The following PDILT variants were observed in gnomAD, a reference collection of about 807,000 sequenced individuals.
PDILT encodes protein disulfide-isomerase-like protein of the testis.
A neutral mutation model predicts 53.7 loss-of-function variants in PDILT; 43 were observed. That is an observed-to-expected ratio of 0.80 (90% CI 0.63 to 1.03). PDILT has a LOEUF of 1.03. PDILT is among the 50% of genes least tolerant of loss of function. PDILT has a pLI of 0.00. For synonymous variants in PDILT, 282 were observed against 274.2 expected, an observed-to-expected ratio of 1.03 and a Z score of -0.28; for missense variants, 727 against 712.3, an observed-to-expected ratio of 1.02 and a Z score of -0.24.
chr16:20,367,134 G>A (rs562393690), intron 8 of PDILT, among the ~76,000 whole-genome samples: 166 of 130,842 alleles, frequency 1.3e-3, no homozygotes, highest in Admixed American at 3.4e-3. Flanking sequence ...ACAGAGTCTC[G>A]CTCTGTCACC....
At chr16:20,402,945 C>T (rs770351480) in intron 1 of PDILT, among the ~76,000 whole-genome samples, 14 of 152,182 alleles carry the variant, frequency 9.2e-5, no homozygotes, top group South Asian at 2.1e-4. Context: ...ACTGTGGCTC[C>T]GCTGTGTCCC....
chr16:20,375,327 G>A (rs1470613864), intron 4 of PDILT, among the ~76,000 whole-genome samples: 1 of 152,144 alleles, frequency 6.6e-6, no homozygotes, highest in Non-Finnish European at 1.5e-5. Flanking sequence ...AAGAATTTCA[G>A]CCTTCATTCT....
chr16:20,398,082 C>T (rs1966684589), intron 2 of PDILT, among the ~76,000 whole-genome samples: 1 of 152,170 alleles, frequency 6.6e-6, no homozygotes, highest in Non-Finnish European at 1.5e-5. Flanking sequence ...AGGGAGATGA[C>T]TAGTACCCAT....
intron 9 of PDILT, 136 bp from the exon 10 acceptor site, chr16:20,362,718 A>G (rs1339238999): frequency 4.5e-6 from 3 of 661,360 alleles, no homozygotes; most frequent in East Asian, 5.6e-5. Context: ...TCTTTTAATC[A>G]TATATTAGAT....
chr16:20,401,476 GGGAGGGT>G (rs141863687), intron 1 of PDILT, among the ~76,000 whole-genome samples: 1 of 152,300 alleles, frequency 6.6e-6, no homozygotes, highest in East Asian at 1.9e-4. Context: ...ACGTAAGGTA[GGGAGGGT>G]CACCCAGAAC....
rs534967267 is a variant in PDILT, at chr16:20,389,777, G to A, written c.203-4926C>T. Among the ~76,000 whole-genome samples the A allele has an allele frequency of 3.5e-4, 54 of 152,256 alleles. 1 individual carries two copies. In the South Asian group the frequency reaches 0.01, roughly 29 times the overall value. On this transcript the variant is annotated intron_variant, in intron 2 of 11. Transcript: ENST00000302451. Reference sequence around the variant, plus strand: ...GAGCAGTGAATGTGAGTCAGAGGAGGGGCTGATGGGTGATGGGGAGGTGAT... The same window carrying A: ...GAGCAGTGAATGTGAGTCAGAGGAGAGGCTGATGGGTGATGGGGAGGTGAT...
chr16:20,391,811 C>T (rs1450103335), intron 2 of PDILT, among the ~76,000 whole-genome samples: 1 of 151,644 alleles, frequency 6.6e-6, no homozygotes, highest in Non-Finnish European at 1.5e-5. Flanking sequence ...GGCCTCCCAG[C>T]CAGACTAAGT....
At chr16:20,363,451 G>T (rs540880771) in intron 9 of PDILT, among the ~76,000 whole-genome samples, 2 of 137,572 alleles carry the variant, frequency 1.5e-5, no homozygotes, top group East Asian at 4.2e-4. Flanking sequence ...TCCAAAAAGT[G>T]TGTGTGTGTT....
At chr16:20,402,792 C>A (rs1302639350) in intron 1 of PDILT, among the ~76,000 whole-genome samples, 2 of 152,222 alleles carry the variant, frequency 1.3e-5, no homozygotes, top group African/African-American at 4.8e-5. Context: ...TCCCAGGGCT[C>A]CCCTGAGACT....
intron 8 of PDILT, among the ~76,000 whole-genome samples, chr16:20,366,965 TTCCTTCCTTCCTTCCTTC>T (rs1284278429): frequency 4.1e-5 from 6 of 147,174 alleles, no homozygotes; most frequent in Admixed American, 1.4e-4. Flanking sequence ...CCTTCCTTCC[TTCCTTCCTTCCTTCCTTC>T]CTTCCTTTCT....
chr16:20,385,327 GACTT>G (rs1367912670), intron 2 of PDILT, among the ~76,000 whole-genome samples: 2 of 152,156 alleles, frequency 1.3e-5, no homozygotes, highest in Non-Finnish European at 2.9e-5. Flanking sequence ...CACAACAAAT[GACTT>G]ACTTGCGCAA....
intron 11 of PDILT, 106 bp from the exon 12 acceptor site, chr16:20,359,673 C>T: frequency 8.6e-7 from 1 of 1,157,352 alleles, no homozygotes; most frequent in Non-Finnish European, 1.2e-6. Flanking sequence ...GTCAAGCCTA[C>T]TTTTTCTGAA....
intron 2 of PDILT, among the ~76,000 whole-genome samples, chr16:20,393,403 C>G (rs1966628470): frequency 6.6e-6 from 1 of 152,176 alleles, no homozygotes; most frequent in East Asian, 1.9e-4. Flanking sequence ...AGGTCACAAG[C>G]TTGGAACTAC....
chr16:20,382,557 A>T (rs1404565282), intron 3 of PDILT, among the ~76,000 whole-genome samples: 3 of 152,166 alleles, frequency 2.0e-5, no homozygotes, highest in African/African-American at 7.2e-5. Context: ...GGCAGCTTTG[A>T]GGAAGTTATT....
chr16:20,365,269 T>C (rs1315041354), intron 9 of PDILT, 151 bp downstream of exon 9: 1 of 829,176 alleles, frequency 1.2e-6, no homozygotes, highest in Non-Finnish European at 1.9e-6. Flanking sequence ...CCTGATAGCA[T>C]CTTGAGTCAA....
intron 11 of PDILT, 68 bp from the exon 12 acceptor site, chr16:20,359,635 G>T: frequency 2.1e-6 from 3 of 1,450,134 alleles, no homozygotes; most frequent in Non-Finnish European, 2.9e-6. Context: ...AAAGAGGCAA[G>T]AAATATGTCA....
At chr16:20,385,779 G>T (rs527675317) in intron 2 of PDILT, among the ~76,000 whole-genome samples, 3 of 152,258 alleles carry the variant, frequency 2.0e-5, no homozygotes, top group South Asian at 4.2e-4. Flanking sequence ...TAGACACGAT[G>T]ATCACATTTA....
intron 2 of PDILT, among the ~76,000 whole-genome samples, chr16:20,395,474 T>A (rs1009614988): frequency 2.0e-5 from 3 of 152,190 alleles, no homozygotes; most frequent in Non-Finnish European, 4.4e-5. Flanking sequence ...TTTTAATGTG[T>A]CAAGGATGAG....
intron 2 of PDILT, among the ~76,000 whole-genome samples, chr16:20,397,368 C>G (rs909132247): frequency 6.6e-6 from 1 of 152,128 alleles, no homozygotes; most frequent in Non-Finnish European, 1.5e-5. Context: ...TTCTTGAACA[C>G]TTGAGCTCAA....
Sources: allele counts gnomAD v4.1 joint callset (sites outside exome capture counted in the v4.1 genomes callset), GRCh38; gene constraint gnomAD v4.1.1; transcripts MANE v1.5; gene names NCBI Gene and HGNC (gene_info 2026-07-23, HGNC 2026-07-21).